The following TMPRSS5 variants were observed in gnomAD, a reference collection of about 807,000 sequenced individuals.
The protein encoded by TMPRSS5 is transmembrane protease serine 5.
A neutral mutation model predicts 59.7 loss-of-function variants in TMPRSS5; 45 were observed. That is an observed-to-expected ratio of 0.75 (90% CI 0.59 to 0.97). The LOEUF is 0.97. TMPRSS5 is among the 50% of genes least tolerant of loss of function. The pLI, the probability that TMPRSS5 is intolerant of heterozygous loss-of-function variation, is 0.00. For synonymous variants in TMPRSS5, 225 were observed against 232.0 expected, an observed-to-expected ratio of 0.97 and a Z score of 0.27; for missense variants, 585 against 596.7, an observed-to-expected ratio of 0.98 and a Z score of 0.20.
intron 4 of TMPRSS5, among the ~76,000 whole-genome samples, chr11:113,698,290 T>C (rs1349485984): frequency 6.6e-6 from 1 of 152,228 alleles, no homozygotes; most frequent in Non-Finnish European, 1.5e-5. Flanking sequence ...TGATATCTTT[T>C]CTTAGATTAG....
chr11:113,700,052 C>T lies in TMPRSS5; in HGVS notation c.106+14G>A, dbSNP rs375395853. Reference sequence around the variant, plus strand: ...CCCCACCCTGTCATTCCCCTATGGCCCAGTCTGGCCTACTGGGATGCTGCT... The same window carrying T: ...CCCCACCCTGTCATTCCCCTATGGCTCAGTCTGGCCTACTGGGATGCTGCT... On this transcript the variant is annotated intron_variant, in intron 2 of 12. Transcript: ENST00000299882. The T allele has an allele frequency of 1.8e-5, 28 of 1,556,452 alleles. No individual in the cohort carries two copies. Among genetic ancestry groups the T allele is most frequent in the Non-Finnish European group, 2.3e-5 (26 of 1,149,580 alleles).
At chr11:113,695,502 TC>T in intron 6 of TMPRSS5, 59 bp from the exon 7 acceptor site, 1 of 1,566,472 alleles carries the variant, frequency 6.4e-7, no homozygotes, top group South Asian at 1.1e-5. Flanking sequence ...GCCACACACA[TC>T]CAAGGACGTG....
chr11:113,690,593 C>T (rs1435463284), intron 10 of TMPRSS5, among the ~76,000 whole-genome samples: 1 of 152,004 alleles, frequency 6.6e-6, no homozygotes, highest in African/African-American at 2.4e-5. Context: ...AAATGTGAGA[C>T]CATGGCGCTC....
chr11:113,705,545 A>T (rs1251319846), intron 1 of TMPRSS5, among the ~76,000 whole-genome samples: 2 of 140,506 alleles, frequency 1.4e-5, no homozygotes, highest in East Asian at 8.6e-4. Context: ...GGTTTGTATC[A>T]AACCACACAC....
At position 113,699,617 on chromosome 11, in the gene TMPRSS5, TGCACCGGCCAGCAGCCCCAGG is replaced by T; in HGVS notation, c.162_182del (p.Leu55_Ala61del). On this transcript the variant is annotated inframe_deletion, in exon 3 of 13. Coordinates refer to ENST00000299882, the MANE Select transcript of TMPRSS5 (RefSeq NM_030770.4). The stretch of plus-strand genomic sequence containing the variant: ...GACCTAGGAGCCATGAGCCAACACC[TGCACCGGCCAGCAGCCCCAGG>T]GCTCCCAGCACTGCACAGCCACGTC... 1 of 1,580,272 alleles carries T rather than the reference TGCACCGGCCAGCAGCCCCAGG, an allele frequency of 6.3e-7. No homozygotes were observed. The highest frequency in any genetic ancestry group is 8.6e-7 in the Non-Finnish European group (1 of 1,163,778).
At chr11:113,690,542 G>A (rs1409402882) in intron 10 of TMPRSS5, among the ~76,000 whole-genome samples, 169 bp from the exon 11 acceptor site, 2 of 152,120 alleles carry the variant, frequency 1.3e-5, no homozygotes, top group African/African-American at 4.8e-5. Context: ...TCGGACTTGG[G>A]GGCTGGGAGT....
intron 7 of TMPRSS5, among the ~76,000 whole-genome samples, 182 bp downstream of exon 7, chr11:113,695,218 G>C (rs973075166): frequency 2.0e-5 from 3 of 152,210 alleles, no homozygotes; most frequent in Non-Finnish European, 4.4e-5. Context: ...TGGAGGCTTA[G>C]AAAGGGTTCG....
chr11:113,690,328 C>A lies in TMPRSS5; in HGVS notation c.1109G>T (p.Ser370Ile). The change falls in exon 11 of 13, where the codon AGC (serine) becomes ATC (isoleucine). Residue 370 changes from serine (S) to isoleucine (I), a missense_variant. Ser to Ile is a moderately radical substitution (Grantham distance 142). Transcript: ENST00000299882. ...MLQDTVVPLF[S>I]TQLCNSSCVY... ...GCAAGAGCTGTTGCAGAGCTGAGTG[C>A]TGAACAAGGGCACCACCGTGTCCTG... The A allele has an allele frequency of 6.2e-7, 1 of 1,603,374 alleles. No homozygotes were observed. Among genetic ancestry groups the A allele is most frequent in the African/African-American group, 1.3e-5 (1 of 74,736 alleles).
At chr11:113,699,071 G>C (rs922109009) in intron 3 of TMPRSS5, 44 bp from the exon 4 acceptor site, 4 of 1,591,842 alleles carry the variant, frequency 2.5e-6, no homozygotes, top group Non-Finnish European at 3.4e-6. Context: ...TCCAAAGGAA[G>C]GTGTCAAGGT....
At chr11:113,690,181 C>CCCCCCCCCCCCCCCCCCCCCCCACA in intron 11 of TMPRSS5, 50 bp downstream of exon 11, 1 of 699,644 alleles carries the variant, frequency 1.4e-6, no homozygotes, top group Non-Finnish European at 2.4e-6. Context: ...CCCCTGCCCT[C>CCCCCCCCCCCCCCCCCCCCCCCACA]CCACCCCCAC....
At chr11:113,694,244 CAAAAA>C (rs1285209758) in intron 8 of TMPRSS5, 5 of 204,730 alleles carry the variant, frequency 2.4e-5, no homozygotes, top group African/African-American at 4.1e-5. Context: ...GACTCTGTCT[CAAAAA>C]AAAAAAAAAA....
chr11:113,694,737 G>C, intron 7 of TMPRSS5, 97 bp from the exon 8 acceptor site: 1 of 1,235,616 alleles, frequency 8.1e-7, no homozygotes, highest in Non-Finnish European at 1.1e-6. Flanking sequence ...AAGCCCCAGA[G>C]AGCCAGTGTG....
Position 113,693,116 on chromosome 11 carries a change from A to C in TMPRSS5, c.919T>G (p.Tyr307Asp). The part of the protein sequence containing the change: ...HPLYSAQNHD[Y>D]DVALLRLQTA... ...TGGAGCCTCAGGAGGGCGACGTCGT[A>C]GTCATGATTCTGGGCACTGTAGAGG... The change falls in exon 9 of 13, where the codon TAC (tyrosine) becomes GAC (aspartate). Residue 307 changes from tyrosine to aspartate, a missense_variant. Transcript: ENST00000299882. The C allele has an allele frequency of 6.3e-7, 1 of 1,592,680 alleles. No individual in the cohort carries two copies. The highest frequency in any genetic ancestry group is 8.6e-7 in the Non-Finnish European group (1 of 1,169,498).
intron 1 of TMPRSS5, among the ~76,000 whole-genome samples, chr11:113,703,971 A>G (rs1026589884): frequency 6.6e-6 from 1 of 152,234 alleles, no homozygotes; most frequent in Non-Finnish European, 1.5e-5. Context: ...ATTCAAAAGA[A>G]TAAGGGCTTA....
Position 113,696,954 on chromosome 11 carries a change from C to A in TMPRSS5, c.482G>T (p.Gly161Val). ...GAGTTTGATGTCAGTGAGGTTTACT[C>A]CCTTGTGGTGAGTGAGTCTTGGCAG... ...LGHLRLTHHK[G>V]VNLTDIKLNS... The change falls in exon 6 of 13, where the codon GGA becomes GTA. Residue 161 changes from glycine to valine, a missense_variant. By Grantham distance (109) the Gly-to-Val change is moderately radical. Coordinates refer to ENST00000299882, the MANE Select transcript of TMPRSS5 (RefSeq NM_030770.4). 1 of 1,576,758 alleles carries A rather than the reference C, an allele frequency of 6.3e-7. No individual in the cohort carries two copies.
rs58784708 is a variant in TMPRSS5, at chr11:113,691,892, C to CTTTTTTTTTTTTTTTTTTTT, written c.965-954_965-953insAAAAAAAAAAAAAAAAAAAA. On this transcript the variant is annotated intron_variant, in intron 9 of 12. Transcript: ENST00000299882. ...AGAAAGTTTTCTTTTCCTTTTTTTTCTTTTTTTTTTTTTGAGACGGAGTCT... is the reference window on the plus strand; with the variant it reads ...AGAAAGTTTTCTTTTCCTTTTTTTTCTTTTTTTTTTTTTTTTTTTTTTTTTTTTTTTTTGAGACGGAGTCT... Among the ~76,000 whole-genome samples, 63 of 121,100 alleles carry CTTTTTTTTTTTTTTTTTTTT rather than the reference C, an allele frequency of 5.2e-4. 4 individuals carry two copies. Among genetic ancestry groups the CTTTTTTTTTTTTTTTTTTTT allele is most frequent in the African/African-American group, 1.4e-3 (38 of 27,488 alleles). 79.4% of individuals were successfully genotyped at this position (121,100 alleles called of 152,430 possible). A position where few individuals can be genotyped will look rare whatever the true frequency, so the allele number is the denominator to read the frequency against.
intron 4 of TMPRSS5, among the ~76,000 whole-genome samples, chr11:113,697,783 C>A (rs1303468193): frequency 6.6e-6 from 1 of 152,146 alleles, no homozygotes; most frequent in African/African-American, 2.4e-5. Flanking sequence ...GGATCCAGGA[C>A]TTAGATCCAG....
At chr11:113,699,566 C>T in intron 3 of TMPRSS5, 29 bp downstream of exon 3, 8 of 1,545,510 alleles carry the variant, frequency 5.2e-6, no homozygotes, top group Non-Finnish European at 7.0e-6. Flanking sequence ...CAACCTCCCC[C>T]ACACCAGAGA....
At position 113,690,914 on chromosome 11, in the gene TMPRSS5, C is replaced by G. The variant is rs777598000; in HGVS notation, c.990G>C (p.Pro330=). ...FSDTVGAVCL[P]AKEQHFPKGS... The stretch of plus-strand genomic sequence containing the variant: ...CCTTCGGAAAATGCTGTTCCTTGGC[C>G]GGCAGGCACACAGCGCCCACAGTGT... The change falls in exon 10 of 13, where the codon CCG becomes CCC. Residue 330 remains proline (P), a synonymous_variant. Coordinates refer to ENST00000299882, the MANE Select transcript of TMPRSS5 (RefSeq NM_030770.4). 1.3e-6 allele frequency: 2 copies of G among 1,593,542 alleles called. No homozygotes were observed. The highest frequency in any genetic ancestry group is 2.7e-5 in the African/African-American group (2 of 74,606).
Sources: allele counts gnomAD v4.1 joint callset (sites outside exome capture counted in the v4.1 genomes callset), GRCh38; gene constraint gnomAD v4.1.1; transcripts MANE v1.5; gene names NCBI Gene and HGNC (gene_info 2026-07-23, HGNC 2026-07-21).